Variants in STK31 observed in about 807,000 individuals in gnomAD.
The protein encoded by STK31 is serine/threonine-protein kinase 31.
A neutral mutation model predicts 129.7 loss-of-function variants in STK31; 89 were observed. That is an observed-to-expected ratio of 0.69 (90% confidence interval 0.58 to 0.82). The LOEUF (loss-of-function observed/expected upper bound fraction) is 0.82. Ranked by LOEUF, STK31 falls within the 40% of genes least tolerant of loss-of-function variation. The probability of loss-of-function intolerance (pLI) is 0.00; values close to 1 mark genes in which losing one functional copy is unlikely to be tolerated. For missense variants in STK31, 1,187 were observed against 1,176.4 expected (o/e 1.01, Z -0.13); for synonymous variants, 448 against 395.3 (o/e 1.13, Z -1.58).
intron 11 of STK31, among the ~76,000 whole-genome samples, chr7:23,766,911 C>T (rs937991792): frequency 2.6e-5 from 4 of 152,062 alleles, no homozygotes; most frequent in African/African-American, 9.7e-5. Context: ...TAAATAAATA[C>T]AATCTTTTTA....
chr7:23,727,361 A>G lies in STK31; in HGVS notation c.324+46A>G, dbSNP rs746734808. The G allele has an allele frequency of 2.6e-6, 4 of 1,563,416 alleles. No individual in the cohort carries two copies. In the Admixed American group the frequency reaches 6.8e-5, roughly 26 times the overall value. ...TTTTTTTTTGCTTTAAGAAATATTTATTGTGGTTCAAAAATTTGATGCTTA... is the reference window on the plus strand; with the variant it reads ...TTTTTTTTTGCTTTAAGAAATATTTGTTGTGGTTCAAAAATTTGATGCTTA... On this transcript the variant is annotated intron_variant, in intron 5 of 23. Transcript: ENST00000355870.
chr7:23,817,115 G>A (rs1049435543), intron 23 of STK31, among the ~76,000 whole-genome samples: 3 of 152,090 alleles, frequency 2.0e-5, no homozygotes, highest in Non-Finnish European at 2.9e-5. Flanking sequence ...TTGAACCTGG[G>A]AGGCAGAGGT....
In STK31 at chr7:23,832,298, A is replaced by C; in HGVS notation, c.2992A>C (p.Ile998Leu). The C allele has an allele frequency of 6.2e-7, 1 of 1,614,044 alleles. No homozygotes were observed. Among genetic ancestry groups the C allele is most frequent in the Non-Finnish European group, 8.5e-7 (1 of 1,180,010 alleles). Residue 998 changes from isoleucine to leucine, a missense_variant, in exon 24 of 24, where the codon ATA becomes CTA. By Grantham distance (5) the Ile-to-Leu change is conservative. Coordinates refer to ENST00000355870, the MANE Select transcript of STK31 (RefSeq NM_031414.5). ...EYTLYKKEEEIKTENLDKCME... is the reference protein window; with the variant it reads ...EYTLYKKEEELKTENLDKCME... ...CACCCTATATAAAAAGGAAGAAGAA[A>C]TAAAGACGGAGAACTTGGATAAATG...
chr7:23,710,135 C>G, upstream of STK31: 1 of 1,373,154 alleles, frequency 7.3e-7, no homozygotes, highest in Non-Finnish European at 1.0e-6. Context: ...TCTTCCTAGG[C>G]GGCAGGCCGT....
At chr7:23,805,791 T>C (rs1462023939) in intron 22 of STK31, among the ~76,000 whole-genome samples, 1 of 152,240 alleles carries the variant, frequency 6.6e-6, no homozygotes, top group East Asian at 1.9e-4. Flanking sequence ...AGCCCATATT[T>C]GTTAATTTAA....
chr7:23,790,232 G>A (rs1232566365), intron 21 of STK31, among the ~76,000 whole-genome samples: 1 of 151,924 alleles, frequency 6.6e-6, no homozygotes, highest in Non-Finnish European at 1.5e-5. Context: ...ATTAATTCAG[G>A]CTCAAAGAGG....
At chr7:23,818,887 A>G (rs776212665) in intron 23 of STK31, among the ~76,000 whole-genome samples, 6 of 152,172 alleles carry the variant, frequency 3.9e-5, no homozygotes, top group Non-Finnish European at 8.8e-5. Context: ...AGCCTCCCAA[A>G]GTTCTGGGAT....
chr7:23,721,359 A>T, intron 4 of STK31: 1 of 805,228 alleles, frequency 1.2e-6, no homozygotes, highest in South Asian at 1.5e-5. Flanking sequence ...AGGAAGGGGC[A>T]GCGTTGTGAT....
At position 23,727,008 on chromosome 7, in the gene STK31, A is replaced by G. The variant is rs564357758; in HGVS notation, c.250-233A>G. On this transcript the variant is annotated intron_variant, in intron 4 of 23. Transcript: ENST00000355870. ...CCTCATTTTGGAGATGCAGAATAGCATAATGAACTCTGAAGTCAGAAGTTT... is the reference window on the plus strand; with the variant it reads ...CCTCATTTTGGAGATGCAGAATAGCGTAATGAACTCTGAAGTCAGAAGTTT... Among the ~76,000 whole-genome samples, 367 of 152,236 alleles carry G rather than the reference A, an allele frequency of 2.4e-3. 2 individuals are homozygous for G. Among genetic ancestry groups the G allele is most frequent in the African/African-American group, 8.5e-3 (352 of 41,538 alleles).
At chr7:23,737,437 T>G (rs1307912492) in intron 8 of STK31, among the ~76,000 whole-genome samples, 1 of 152,220 alleles carries the variant, frequency 6.6e-6, no homozygotes, top group East Asian at 1.9e-4. Context: ...TTTTAAAAAT[T>G]TACACTTCCT....
intron 4 of STK31, chr7:23,722,450 T>A: frequency 6.5e-6 from 1 of 153,294 alleles, no homozygotes; most frequent in East Asian, 1.9e-4. Context: ...TTCTGGAAGC[T>A]TCGTCTCAGA....
intron 19 of STK31, 34 bp downstream of exon 19, chr7:23,786,667 A>T (rs370306337): frequency 6.3e-7 from 1 of 1,593,878 alleles, no homozygotes; most frequent in South Asian, 1.2e-5. Context: ...TGCAGAAACC[A>T]TTTTATCTTG....
intron 21 of STK31, among the ~76,000 whole-genome samples, chr7:23,788,641 TCA>T (rs1791440541): frequency 6.6e-6 from 1 of 152,150 alleles, no homozygotes; most frequent in South Asian, 2.1e-4. Context: ...GATAGCAAAA[TCA>T]CACAATTTAA....
At chr7:23,767,848 C>T (rs1242496874) in intron 11 of STK31, among the ~76,000 whole-genome samples, 2 of 152,140 alleles carry the variant, frequency 1.3e-5, no homozygotes, top group African/African-American at 2.4e-5. Flanking sequence ...CAATGCTAAA[C>T]ACCAACCATC....
intron 15 of STK31, among the ~76,000 whole-genome samples, chr7:23,779,749 C>T (rs1790793400): frequency 6.6e-6 from 1 of 152,220 alleles, no homozygotes; most frequent in Non-Finnish European, 1.5e-5. Context: ...GAATTTCAAG[C>T]TAGTGGATCT....
At chr7:23,762,083 T>A (rs1368239075) in intron 10 of STK31, among the ~76,000 whole-genome samples, 6 of 151,554 alleles carry the variant, frequency 4.0e-5, no homozygotes, top group East Asian at 3.8e-4. Flanking sequence ...AAAACTTTTT[T>A]ATTTTATTTC....
intron 11 of STK31, among the ~76,000 whole-genome samples, chr7:23,766,296 T>C (rs553651412): frequency 2.0e-4 from 30 of 152,330 alleles, no homozygotes; most frequent in Non-Finnish European, 3.5e-4. Flanking sequence ...AGAGTCTTGC[T>C]CTTTCACCCA....
chr7:23,826,804 C>G (rs1209219942), intron 23 of STK31, among the ~76,000 whole-genome samples: 1 of 152,152 alleles, frequency 6.6e-6, no homozygotes, highest in Non-Finnish European at 1.5e-5. Context: ...GACAAAATCT[C>G]TCAGCATTTG....
At position 23,785,541 on chromosome 7, in the gene STK31, G is replaced by C; in HGVS notation, c.2212G>C (p.Glu738Gln). Reference protein sequence around the residue: ...RDLLDAEPMKELSSKRPLVRS... With the variant: ...RDLLDAEPMKQLSSKRPLVRS... ...TCTTCTTGATGCTGAGCCCATGAAGGAACTTAGCAGCAAGCGTCCTTTGGT... is the reference window on the plus strand; with the variant it reads ...TCTTCTTGATGCTGAGCCCATGAAGCAACTTAGCAGCAAGCGTCCTTTGGT... Residue 738 changes from glutamate (E) to glutamine (Q), a missense_variant, in exon 18 of 24, where the codon GAA becomes CAA. Physicochemically the swap from Glu to Gln is conservative, Grantham distance 29. Coordinates refer to ENST00000355870, the MANE Select transcript of STK31 (RefSeq NM_031414.5). 2 of 1,613,990 alleles carry C rather than the reference G, an allele frequency of 1.2e-6. No individual in the cohort carries two copies. Among genetic ancestry groups the C allele is most frequent in the Non-Finnish European group, 1.7e-6 (2 of 1,179,912 alleles).
Sources: allele counts gnomAD v4.1 joint callset (sites outside exome capture counted in the v4.1 genomes callset), GRCh38; gene constraint gnomAD v4.1.1; transcripts MANE v1.5; gene names NCBI Gene and HGNC (gene_info 2026-07-23, HGNC 2026-07-21).